IGBP1: variants seen among roughly 807,000 people sequenced by gnomAD.
The protein encoded by IGBP1 is immunoglobulin-binding protein 1.
IGBP1 carries 2 observed loss-of-function variants against 25.9 expected under a neutral mutation model. The observed-to-expected ratio is 0.08, with a 90% CI of 0.03 to 0.24. IGBP1 has a LOEUF of 0.24. Among genes scored for constraint, IGBP1 ranks in the 10% least tolerant of loss-of-function variants. IGBP1 has a pLI of 1.00. For synonymous variants in IGBP1, 96 were observed against 93.4 expected, an observed-to-expected ratio of 1.03 and a Z score of -0.16; for missense variants, 187 against 260.4, an observed-to-expected ratio of 0.72 and a Z score of 1.94.
chrX:70,136,698 T>TTTATTATTATTATTATTA lies in IGBP1; in HGVS notation c.482+1896_482+1913dup, dbSNP rs58340348. Among the ~76,000 whole-genome samples, 164 of 97,995 alleles carry TTTATTATTATTATTATTA rather than the reference T, an allele frequency of 1.7e-3. 3 individuals carry two copies. The highest frequency in any genetic ancestry group is 0.016 in the South Asian group (36 of 2,199). The allele number at this position is 97,995 out of a possible 115,157, so 85.1% of individuals were successfully genotyped here. On this transcript the variant is annotated intron_variant, in intron 3 of 6. Transcript: ENST00000356413. Reference sequence around the variant, plus strand: ...ACTGAAGAGTTCTGTTTCTTTTTTCTTTATTATTATTATTATTATTATTAT... The same window carrying TTTATTATTATTATTATTA: ...ACTGAAGAGTTCTGTTTCTTTTTTCTTTATTATTATTATTATTATTATTATTATTATTATTATTATTAT...
Position 70,166,267 on chromosome X carries a change from T to G in IGBP1, c.*286T>G, listed in dbSNP as rs1428059825. On this transcript the variant is annotated 3_prime_UTR_variant, in exon 7 of 7. Transcript: ENST00000356413. ...AATGGCTCTGTATAATCTATGGCTA[T>G]CCGAATTCTCTGAAAAAATAATAAA... The G allele has an allele frequency of 8.1e-6, 2 of 248,140 alleles. No individual in the cohort carries two copies. The highest frequency in any genetic ancestry group is 1.4e-5 in the Non-Finnish European group (2 of 140,009). 20.4% of individuals were successfully genotyped at this position (248,140 alleles called of 1,213,427 possible).
chrX:70,152,218 T>G (rs2085207655), intron 6 of IGBP1, among the ~76,000 whole-genome samples: 2 of 111,025 alleles, frequency 1.8e-5, no homozygotes, highest in Admixed American at 1.9e-4. Flanking sequence ...TAAACCCTAC[T>G]GAAATCTCTG....
intron 5 of IGBP1, chrX:70,149,076 A>G (rs1336528284): frequency 7.8e-5 from 27 of 347,627 alleles, no homozygotes; most frequent in Non-Finnish European, 3.1e-5. Context: ...TAAAAATACA[A>G]AATTAGCCGG....
At chrX:70,137,969 C>CAAAAAAAAAAA (rs151148886) in intron 3 of IGBP1, among the ~76,000 whole-genome samples, 24 of 67,547 alleles carry the variant, frequency 3.6e-4, no homozygotes, top group African/African-American at 1.3e-3. Context: ...GCCATCTCTG[C>CAAAAAAAAAAA]AAAAAAAAAA....
intron 3 of IGBP1, among the ~76,000 whole-genome samples, chrX:70,137,992 C>T (rs1343126790): frequency 9.4e-6 from 1 of 106,454 alleles, no homozygotes; most frequent in Non-Finnish European, 1.9e-5. Context: ...AAAAATTATC[C>T]GGGGGTGGTG....
chrX:70,155,488 C>G (rs2085234133), intron 6 of IGBP1, among the ~76,000 whole-genome samples: 2 of 78,358 alleles, frequency 2.6e-5, no homozygotes, highest in South Asian at 1.3e-3. Context: ...GAGTGAGACT[C>G]TGTCTCAAAA....
intron 6 of IGBP1, among the ~76,000 whole-genome samples, chrX:70,162,532 T>A (rs971497087): frequency 1.8e-5 from 2 of 112,246 alleles, no homozygotes; most frequent in African/African-American, 6.5e-5. Context: ...TATTGGTTCA[T>A]TAGTTGTATC....
intron 3 of IGBP1, among the ~76,000 whole-genome samples, chrX:70,138,781 C>T (rs2085112696): frequency 9.0e-6 from 1 of 111,531 alleles, no homozygotes; most frequent in African/African-American, 3.3e-5. Context: ...TCTAGTTGTA[C>T]CATAATTATT....
At chrX:70,161,408 A>G (rs768044279) in intron 6 of IGBP1, among the ~76,000 whole-genome samples, 1 of 111,672 alleles carries the variant, frequency 9.0e-6, no homozygotes, top group Non-Finnish European at 1.9e-5. Flanking sequence ...CCATCCTCTA[A>G]TAAATGAACC....
At position 70,154,714 on chromosome X, in the gene IGBP1, C is replaced by CAAAAAAAAAAAAAAAAAAAAAAAA. The variant is rs762954223; in HGVS notation, c.871+4414_871+4415insAAAAAAAAAAAAAAAAAAAAAAAA. On this transcript the variant is annotated intron_variant, in intron 6 of 6. Coordinates refer to ENST00000356413, the MANE Select transcript of IGBP1 (RefSeq NM_001551.3). ...AGCAACATGGTAAGACCCCTCTCCA[C>CAAAAAAAAAAAAAAAAAAAAAAAA]AAAAAAAAAAAAAAAAAAAAAAGTT... Among the ~76,000 whole-genome samples, 20 of 27,104 alleles carry CAAAAAAAAAAAAAAAAAAAAAAAA rather than the reference C, an allele frequency of 7.4e-4. 1 individual carries two copies. The highest frequency in any genetic ancestry group is 3.2e-3 in the African/African-American group (17 of 5,383). The allele number at this position is 27,104 out of a possible 115,157, so 23.5% of individuals were successfully genotyped here.
chrX:70,151,107 C>T (rs1476599185), intron 6 of IGBP1, among the ~76,000 whole-genome samples: 4 of 110,654 alleles, frequency 3.6e-5, no homozygotes, highest in Non-Finnish European at 7.6e-5. Context: ...AATACAGGCG[C>T]CTGCCACCAC....
chrX:70,153,662 GT>G (rs948140439), intron 6 of IGBP1, among the ~76,000 whole-genome samples: 5 of 112,013 alleles, frequency 4.5e-5, no homozygotes, highest in African/African-American at 1.3e-4. Flanking sequence ...TTGTATCATA[GT>G]TTCTGAGGGT....
At position 70,148,977 on chromosome X, in the gene IGBP1, C is replaced by T. The variant is rs1463579560; in HGVS notation, c.758+137C>T. ...GGCGAGGTGGCTCGTGCCTGTAATC[C>T]CAGCACTTTGGGAGGCTGAGGTGGG... On this transcript the variant is annotated intron_variant, in intron 5 of 6. Transcript: ENST00000356413. The T allele has an allele frequency of 2.1e-5, 11 of 520,590 alleles. No homozygotes were observed. The Admixed American group carries it at 3.0e-4, about 14-fold the overall frequency. 42.9% of individuals were successfully genotyped at this position (520,590 alleles called of 1,213,427 possible).
chrX:70,134,038 G>A lies in IGBP1; in HGVS notation c.91G>A (p.Glu31Lys). Residue 31 changes from glutamate to lysine, a missense_variant, in exon 2 of 7, where the codon GAA becomes AAA. Physicochemically the swap from Glu to Lys is moderately conservative, Grantham distance 56 (BLOSUM62 1). Transcript: ENST00000356413. ...ACTGGACGAAGTAGAAGTGGCGACT[G>A]AACCCGCCGGTTCCCGGATAGTCCA... ...QLLDEVEVATEPAGSRIVQEK... is the reference protein window; with the variant it reads ...QLLDEVEVATKPAGSRIVQEK... The A allele has an allele frequency of 2.5e-6, 3 of 1,211,250 alleles. No homozygotes were observed. The highest frequency in any genetic ancestry group is 3.4e-6 in the Non-Finnish European group (3 of 894,766).
At chrX:70,147,954 C>G (rs958975587) in intron 4 of IGBP1, among the ~76,000 whole-genome samples, 1 of 112,345 alleles carries the variant, frequency 8.9e-6, no homozygotes, top group Non-Finnish European at 1.9e-5. Flanking sequence ...AATTAATATT[C>G]TAAGGTTATA....
At chrX:70,163,714 G>A (rs765229213) in intron 6 of IGBP1, 1 of 110,872 alleles carries the variant, frequency 9.0e-6, no homozygotes, top group African/African-American at 3.3e-5. Context: ...GATCAAACTT[G>A]AGTCAAATCA....
chrX:70,161,049 C>T lies in IGBP1; in HGVS notation c.872-4784C>T, dbSNP rs562152325. ...TTTAAAACTAAACACACACACACACCCACCCCTGCTTTTGCTCTATTCACT... is the reference window on the plus strand; with the variant it reads ...TTTAAAACTAAACACACACACACACTCACCCCTGCTTTTGCTCTATTCACT... On this transcript the variant is annotated intron_variant, in intron 6 of 6. Coordinates refer to ENST00000356413, the MANE Select transcript of IGBP1 (RefSeq NM_001551.3). Among the ~76,000 whole-genome samples, 5 of 111,094 alleles carry T rather than the reference C, an allele frequency of 4.5e-5. 1 individual carries two copies. Among genetic ancestry groups the T allele is most frequent in the Admixed American group, 1.9e-4 (2 of 10,370 alleles).
chrX:70,145,145 A>G (rs775562910), intron 3 of IGBP1, among the ~76,000 whole-genome samples: 16 of 110,379 alleles, frequency 1.4e-4, no homozygotes, highest in Non-Finnish European at 2.6e-4. Flanking sequence ...ACTTCAGCTT[A>G]AGACCCCCTG....
chrX:70,150,433 A>T, intron 6 of IGBP1, 111 bp downstream of exon 6: 1 of 529,634 alleles, frequency 1.9e-6, no homozygotes, highest in Non-Finnish European at 3.4e-6. Flanking sequence ...GGGGACAAAG[A>T]TTCTGAGTAA....
Sources: allele counts gnomAD v4.1 joint callset (sites outside exome capture counted in the v4.1 genomes callset), GRCh38; gene constraint gnomAD v4.1.1; transcripts MANE v1.5; gene names NCBI Gene and HGNC (gene_info 2026-07-23, HGNC 2026-07-21).